SUN3: variants seen among roughly 807,000 people sequenced by gnomAD.
SUN3 encodes the protein Sad1 and UNC84 domain containing 3.
A neutral mutation model predicts 48.2 loss-of-function variants in SUN3; 36 were observed. The observed-to-expected ratio is 0.75, with a 90% CI of 0.57 to 0.99. The LOEUF (loss-of-function observed/expected upper bound fraction) is 0.99. Among genes scored for constraint, SUN3 ranks in the 50% least tolerant of loss-of-function variants. The pLI, the probability that SUN3 is intolerant of heterozygous loss-of-function variation, is 0.00. For synonymous variants in SUN3, 148 were observed against 147.9 expected, an observed-to-expected ratio of 1.00 and a Z score of 0.00; for missense variants, 419 against 433.1, an observed-to-expected ratio of 0.97 and a Z score of 0.29.
chr7:48,026,034 T>C (rs1217747333), intron 1 of SUN3, 96 bp from the exon 2 acceptor site: 1 of 778,426 alleles, frequency 1.3e-6, no homozygotes, highest in Non-Finnish European at 2.1e-6. Context: ...CAAACTTACT[T>C]ATTTTCATTC....
At chr7:48,028,206 A>G (rs1044990980) in intron 1 of SUN3, among the ~76,000 whole-genome samples, 1 of 152,036 alleles carries the variant, frequency 6.6e-6, no homozygotes, top group African/African-American at 2.4e-5. Context: ...TAGGAAGGTT[A>G]TTTCATTACT....
Position 47,987,416 on chromosome 7 carries a change from G to T in SUN3, c.988C>A (p.Leu330Ile), listed in dbSNP as rs771948575. 3 of 1,593,008 alleles carry T rather than the reference G, an allele frequency of 1.9e-6. 1 individual carries two copies. In the South Asian group the frequency reaches 3.5e-5, roughly 18 times the overall value. The change falls in exon 10 of 10, where the codon CTT becomes ATT. Residue 330 changes from leucine (L) to isoleucine (I), a missense_variant. By Grantham distance (5) the Leu-to-Ile change is conservative. Coordinates refer to ENST00000297325, the MANE Select transcript of SUN3 (RefSeq NM_001030019.2). ...AVSEYLLCVK[L>I]NIFSNWGHPK... Reference sequence around the variant, plus strand: ...TGTCCCCAGTTGCTAAAGATATTAAGTTTCACACATAATAAATATTCAGAA... The same window carrying T: ...TGTCCCCAGTTGCTAAAGATATTAATTTTCACACATAATAAATATTCAGAA...
At chr7:48,035,725 G>A in the SUN3 span, 9 of 586,342 alleles carry the variant, frequency 1.5e-5, no homozygotes, top group African/African-American at 1.2e-4. This position sits in a 1 kb window ranked among gnomAD's most constrained non-coding sequence, Gnocchi z 4.0. Flanking sequence ...AGTGCGCGCC[G>A]GGGCTGGAGG....
In SUN3 at chr7:48,007,283, A is replaced by T; in HGVS notation, c.374T>A (p.Phe125Tyr). Reference protein sequence around the residue: ...NLENNFRQILFLIEQIDVLKA... With the variant: ...NLENNFRQILYLIEQIDVLKA... ...CAGGACATCTATTTGTTCGATCAAA[A>T]ATAGAATTTGACGAAAATTGTTTTC... is the stretch of plus-strand genomic sequence containing the variant. Residue 125 changes from phenylalanine to tyrosine, a missense_variant, in exon 5 of 10, where the codon TTT (phenylalanine) becomes TAT (tyrosine). Coordinates refer to ENST00000297325, the MANE Select transcript of SUN3 (RefSeq NM_001030019.2). The T allele has an allele frequency of 6.2e-7, 1 of 1,614,128 alleles. No homozygotes were observed. The highest frequency in any genetic ancestry group is 1.1e-5 in the South Asian group (1 of 91,062).
intron 6 of SUN3, among the ~76,000 whole-genome samples, chr7:48,001,777 C>T (rs1188131029): frequency 6.6e-6 from 1 of 152,250 alleles, no homozygotes; most frequent in African/African-American, 2.4e-5. Flanking sequence ...ACCTTGTGAT[C>T]TGCCCGCCTC....
intron 8 of SUN3, among the ~76,000 whole-genome samples, chr7:47,990,537 TTC>T (rs1348120519): frequency 6.6e-6 from 1 of 150,466 alleles, no homozygotes; most frequent in Admixed American, 6.6e-5. Context: ...GGGCCCACTC[TTC>T]TTTCTCTATA....
chr7:48,029,026 TAC>T lies in SUN3; in HGVS notation c.-90_-89del, dbSNP rs1790215866. 2.6e-6 allele frequency: 4 copies of T among 1,560,268 alleles called. No individual in the cohort carries two copies. The East Asian group carries it at 9.1e-5, about 35-fold the overall frequency. On this transcript the variant is annotated 5_prime_UTR_variant, in exon 1 of 10. Coordinates refer to ENST00000297325, the MANE Select transcript of SUN3 (RefSeq NM_001030019.2). ...TTTATGAAAAACATGAAGCTATACA[TAC>T]AGTTTCTAAATTTGTTTTGTATAAT... is the stretch of plus-strand genomic sequence containing the variant.
intron 6 of SUN3, among the ~76,000 whole-genome samples, chr7:47,996,568 T>A (rs1789218278): frequency 6.6e-6 from 1 of 152,198 alleles, no homozygotes; most frequent in Non-Finnish European, 1.5e-5. Flanking sequence ...TCAAGTTACA[T>A]TTGTAGCAAT....
intron 6 of SUN3, among the ~76,000 whole-genome samples, chr7:48,002,547 T>G (rs1003467088): frequency 1.3e-5 from 2 of 152,202 alleles, no homozygotes; most frequent in African/African-American, 4.8e-5. Flanking sequence ...AAGTGTCTGT[T>G]CATGTCCTTT....
intron 8 of SUN3, among the ~76,000 whole-genome samples, chr7:47,992,513 C>G (rs531674420): frequency 6.6e-6 from 1 of 152,118 alleles, no homozygotes; most frequent in Admixed American, 6.5e-5. Context: ...TTGATATGAT[C>G]TTCCAGAAGG....
chr7:48,006,053 C>T lies in SUN3; in HGVS notation c.493G>A (p.Glu165Lys). The T allele has an allele frequency of 6.3e-7, 1 of 1,586,314 alleles. No individual in the cohort carries two copies. The highest frequency in any genetic ancestry group is 8.6e-7 in the Non-Finnish European group (1 of 1,162,318). The change falls in exon 6 of 10, where the codon GAA becomes AAA. Residue 165 changes from glutamate (E) to lysine (K), a missense_variant and splice_region_variant. Coordinates refer to ENST00000297325, the MANE Select transcript of SUN3 (RefSeq NM_001030019.2). The part of the protein sequence containing the change: ...DPVEDPDHTE[E>K]VSNLVNYVLK... ...ACATAATTGACCAAGTTTGACACTT[C>T]CTGTAGAAATTTTATAAACAGTTTT... is the stretch of plus-strand genomic sequence containing the variant.
upstream of SUN3, chr7:48,029,211 A>C: frequency 2.5e-6 from 1 of 401,518 alleles, no homozygotes. Flanking sequence ...CAAGGGCCTA[A>C]TTGTACCATA....
intron 6 of SUN3, among the ~76,000 whole-genome samples, chr7:48,005,301 C>T (rs1405845654): frequency 1.3e-5 from 2 of 152,170 alleles, no homozygotes; most frequent in Non-Finnish European, 2.9e-5. Flanking sequence ...CACATGCTCA[C>T]AAGACTGAGT....
At chr7:48,019,977 C>CAAAAAAAAAA (rs869166401) in intron 2 of SUN3, among the ~76,000 whole-genome samples, 10 of 64,142 alleles carry the variant, frequency 1.6e-4, no homozygotes, top group East Asian at 1.3e-3. Flanking sequence ...AAAGACACAT[C>CAAAAAAAAAA]AAAAAAAAAA....
At chr7:48,030,310 C>A (rs917146139), upstream of SUN3, among the ~76,000 whole-genome samples, 2 of 152,168 alleles carry the variant, frequency 1.3e-5, no homozygotes, top group South Asian at 4.1e-4. Context: ...ACCTACTAGT[C>A]CAAAATTCGA....
rs143331115 is a variant in SUN3, at chr7:48,018,860, C to T, written c.185-1495G>A. On this transcript the variant is annotated intron_variant, in intron 2 of 9. Transcript: ENST00000297325. ...CCTGAGGAATCTGACATTGGAATTACGAGACAAAAACTTTATATCAGCTGT... is the reference window on the plus strand; with the variant it reads ...CCTGAGGAATCTGACATTGGAATTATGAGACAAAAACTTTATATCAGCTGT... 1.3e-3 allele frequency among the ~76,000 whole-genome samples: 199 copies of T among 151,918 alleles called. 1 individual carries two copies. The highest frequency in any genetic ancestry group is 3.4e-3 in the Middle Eastern group (1 of 294).
At chr7:48,013,055 T>A (rs996545583) in intron 3 of SUN3, among the ~76,000 whole-genome samples, 8 of 152,198 alleles carry the variant, frequency 5.3e-5, no homozygotes, top group African/African-American at 1.9e-4. Context: ...TATAGCAGCA[T>A]AAATGGATTA....
At chr7:48,032,594 T>C (rs1790268974), upstream of SUN3, among the ~76,000 whole-genome samples, 1 of 152,168 alleles carries the variant, frequency 6.6e-6, no homozygotes, top group South Asian at 2.1e-4. Flanking sequence ...AACATTGAAA[T>C]ACATAAATAT....
intron 8 of SUN3, 155 bp from the exon 9 acceptor site, chr7:47,989,035 A>G (rs949435837): frequency 3.3e-5 from 16 of 481,696 alleles, no homozygotes. Context: ...AGGATATTTA[A>G]CAAGGGGTCA....
Sources: gnomAD v4.1 joint callset for allele counts (sites outside exome capture counted in the v4.1 genomes callset) on GRCh38, gnomAD v4.1.1 for gene constraint, Gnocchi (gnomAD v3.1) non-coding constraint, MANE v1.5 for transcripts, NCBI Gene and HGNC (gene_info 2026-07-23, HGNC 2026-07-21) for gene names.